The following NR6A1 variants were observed in gnomAD, a reference collection of about 807,000 sequenced individuals.
The protein encoded by NR6A1 is retinoic acid receptor-related testis-associated receptor.
NR6A1 carries 7 observed loss-of-function variants against 59.1 expected under a neutral mutation model. The observed-to-expected ratio is 0.12, with a 90% CI of 0.07 to 0.22. The LOEUF (loss-of-function observed/expected upper bound fraction) is 0.22. NR6A1 is among the 10% of genes least tolerant of loss of function. NR6A1 has a pLI of 1.00. For missense variants in NR6A1, 468 were observed against 611.6 expected (o/e 0.77, Z 2.48); for synonymous variants, 243 against 236.1 (o/e 1.03, Z -0.27).
intron 2 of NR6A1, among the ~76,000 whole-genome samples, chr9:124,652,806 T>C (rs895485170): frequency 6.6e-6 from 1 of 152,156 alleles, no homozygotes; most frequent in Non-Finnish European, 1.5e-5. Context: ...AAAGCCAAGA[T>C]TAGCTCAAGG....
intron 2 of NR6A1, 103 bp from the exon 3 acceptor site, chr9:124,554,673 C>T (rs1482879593): frequency 2.0e-6 from 3 of 1,479,248 alleles, no homozygotes; most frequent in East Asian, 2.3e-5. Context: ...ACCACTATCT[C>T]CAGGCTAAAG....
chr9:124,526,544 T>C (rs961063393), intron 8 of NR6A1, among the ~76,000 whole-genome samples: 3 of 152,118 alleles, frequency 2.0e-5, no homozygotes, highest in Admixed American at 6.6e-5. Context: ...GTTATAGAGA[T>C]TGTGGCATTT....
intron 2 of NR6A1, among the ~76,000 whole-genome samples, chr9:124,730,208 T>C (rs1231507660): frequency 6.6e-6 from 1 of 152,186 alleles, no homozygotes; most frequent in Non-Finnish European, 1.5e-5. Flanking sequence ...CTGAGAATAT[T>C]ACCCACATAC....
At chr9:124,687,284 C>CTAATTAATTAATTAATTAAT (rs1428455082) in intron 2 of NR6A1, among the ~76,000 whole-genome samples, 7 of 135,980 alleles carry the variant, frequency 5.1e-5, no homozygotes, top group South Asian at 4.6e-4. Flanking sequence ...CCACAGCCAG[C>CTAATTAATTAATTAATTAAT]TAATTAATTA....
At chr9:124,617,632 C>CCCATCCAATGGGATGTGGG (rs1835938725) in intron 2 of NR6A1, among the ~76,000 whole-genome samples, 1 of 152,088 alleles carries the variant, frequency 6.6e-6, no homozygotes, top group African/African-American at 2.4e-5. Flanking sequence ...AGTGATTGGA[C>CCCATCCAATGGGATGTGGG]CCATCCAAAC....
chr9:124,688,872 T>G (rs1838428325), intron 2 of NR6A1, among the ~76,000 whole-genome samples: 1 of 152,244 alleles, frequency 6.6e-6, no homozygotes, highest in African/African-American at 2.4e-5. Flanking sequence ...TATCATCTAA[T>G]TTAATTAGAT....
chr9:124,637,871 G>A lies in NR6A1; in HGVS notation c.143-83301C>T, dbSNP rs537822948. Among the ~76,000 whole-genome samples the A allele has an allele frequency of 2.2e-3, 269 of 123,326 alleles. 10 individuals carry two copies. In the South Asian group the frequency reaches 0.067, roughly 31 times the overall value. 80.9% of individuals were successfully genotyped at this position (123,326 alleles called of 152,430 possible). ...TGTGCCACTGCACTCCAGCCTGGGC[G>A]ACAGAGTGAGACTCCCTCTCCAAAA... is the stretch of plus-strand genomic sequence containing the variant. On this transcript the variant is annotated intron_variant, in intron 2 of 9. Transcript: ENST00000487099.
chr9:124,771,269 C>A lies in NR6A1; in HGVS notation c.-150G>T, dbSNP rs1006904216. 1 of 400,782 alleles carries A rather than the reference C, an allele frequency of 2.5e-6. No homozygotes were observed. 24.8% of individuals were successfully genotyped at this position (400,782 alleles called of 1,614,324 possible). On this transcript the variant is annotated 5_prime_UTR_variant, in exon 1 of 10. Transcript: ENST00000487099. ...TCTCTGGGCCCCGAGCCGCCCGGCTCCGCGCCGCTCCGCGCCCCTCCGCGC... is the reference window on the plus strand; with the variant it reads ...TCTCTGGGCCCCGAGCCGCCCGGCTACGCGCCGCTCCGCGCCCCTCCGCGC...
At chr9:124,605,284 A>G (rs1835547590) in intron 2 of NR6A1, among the ~76,000 whole-genome samples, 1 of 152,246 alleles carries the variant, frequency 6.6e-6, no homozygotes. Flanking sequence ...AGAGGGGGAA[A>G]AAAGATGGAG....
At chr9:124,553,549 C>CTTTTTTTTTTTTTTTTTTT (rs780925768) in intron 3 of NR6A1, among the ~76,000 whole-genome samples, 18 of 47,310 alleles carry the variant, frequency 3.8e-4, no homozygotes, top group East Asian at 6.2e-4. Flanking sequence ...TTTAGCTTGA[C>CTTTTTTTTTTTTTTTTTTT]TTTTTTTTTT....
At chr9:124,654,696 T>C (rs1043839518) in intron 2 of NR6A1, among the ~76,000 whole-genome samples, 5 of 152,244 alleles carry the variant, frequency 3.3e-5, no homozygotes, top group African/African-American at 1.2e-4. Flanking sequence ...CACCAGTCAG[T>C]CATTCTCCAT....
At chr9:124,547,812 A>C (rs929909513) in intron 3 of NR6A1, among the ~76,000 whole-genome samples, 5 of 152,224 alleles carry the variant, frequency 3.3e-5, no homozygotes. Context: ...AGACTGACGA[A>C]CTATTTCAGA....
intron 2 of NR6A1, among the ~76,000 whole-genome samples, chr9:124,655,977 G>A (rs1270055860): frequency 6.6e-6 from 1 of 152,192 alleles, no homozygotes; most frequent in Non-Finnish European, 1.5e-5. Flanking sequence ...TGAGTCTCAT[G>A]CTGAAATCTA....
chr9:124,538,054 G>A (rs377165335), intron 6 of NR6A1, 38 bp downstream of exon 6: 3 of 1,552,090 alleles, frequency 1.9e-6, no homozygotes, highest in Non-Finnish European at 1.8e-6. Context: ...GGGACACTTT[G>A]AGACTGCAAG....
intron 2 of NR6A1, among the ~76,000 whole-genome samples, chr9:124,669,236 T>A (rs1837717146): frequency 6.6e-6 from 1 of 152,234 alleles, no homozygotes; most frequent in Non-Finnish European, 1.5e-5. Flanking sequence ...TAAAAATCAA[T>A]GTTTTTATGT....
At chr9:124,633,705 T>C (rs999809887) in intron 2 of NR6A1, among the ~76,000 whole-genome samples, 1 of 152,090 alleles carries the variant, frequency 6.6e-6, no homozygotes, top group Non-Finnish European at 1.5e-5. Flanking sequence ...CGGGCCAAAT[T>C]CTACAAAGCT....
intron 2 of NR6A1, among the ~76,000 whole-genome samples, chr9:124,700,106 T>C (rs1455896010): frequency 2.0e-5 from 3 of 152,038 alleles, no homozygotes; most frequent in African/African-American, 7.2e-5. Flanking sequence ...CACCTCAGCC[T>C]CCCAAAGTGC....
chr9:124,716,377 T>C lies in NR6A1; in HGVS notation c.142+16931A>G, dbSNP rs142208062. On this transcript the variant is annotated intron_variant, in intron 2 of 9. Coordinates refer to ENST00000487099, the MANE Select transcript of NR6A1 (RefSeq NM_033334.4). ...AAATAATACTGTTTCTAGTAGAAAA[T>C]ATAGCATATCTCTGCAATCTCAGGT... Among the ~76,000 whole-genome samples the C allele has an allele frequency of 7.6e-4, 115 of 152,242 alleles. No homozygotes were observed. The East Asian group carries it at 0.018, about 24-fold the overall frequency.
At chr9:124,577,985 A>T (rs1273601531) in intron 2 of NR6A1, among the ~76,000 whole-genome samples, 1 of 152,230 alleles carries the variant, frequency 6.6e-6, no homozygotes, top group African/African-American at 2.4e-5. Flanking sequence ...AGCACTAAGA[A>T]CATTTGCTAA....
Sources: gnomAD v4.1 joint callset for allele counts (sites outside exome capture counted in the v4.1 genomes callset) on GRCh38, gnomAD v4.1.1 for gene constraint, MANE v1.5 for transcripts, NCBI Gene and HGNC (gene_info 2026-07-23, HGNC 2026-07-21) for gene names.